PTPRM: variants seen among roughly 807,000 people sequenced by gnomAD.
PTPRM encodes protein tyrosine phosphatase receptor type M, also known as receptor-type tyrosine-protein phosphatase mu.
PTPRM carries 47 observed loss-of-function variants against 186.7 expected under a neutral mutation model. The ratio of observed to expected loss-of-function variants is 0.25; its 90% CI spans 0.20 to 0.32. The LOEUF is 0.32. PTPRM is among the 10% of genes least tolerant of loss of function. The pLI is 1.00. For missense variants in PTPRM, 1,494 were observed against 1,865.0 expected (o/e 0.80, Z 3.66); for synonymous variants, 668 against 674.9 (o/e 0.99, Z 0.16).
At chr18:8,066,124 A>G (rs1042810647) in intron 7 of PTPRM, among the ~76,000 whole-genome samples, 9 of 152,208 alleles carry the variant, frequency 5.9e-5, no homozygotes, top group African/African-American at 2.2e-4. Flanking sequence ...TCAGAATTTA[A>G]TTTTGCAAAA....
intron 1 of PTPRM, among the ~76,000 whole-genome samples, chr18:7,592,285 C>T (rs979496916): frequency 1.3e-4 from 20 of 152,014 alleles, no homozygotes; most frequent in Non-Finnish European, 2.2e-4. Context: ...TTTCTACAGG[C>T]GACATGGGAG....
intron 11 of PTPRM, among the ~76,000 whole-genome samples, chr18:8,111,730 T>C (rs920624499): frequency 1.3e-5 from 2 of 152,216 alleles, no homozygotes; most frequent in Admixed American, 1.3e-4. Context: ...TCTAGATATA[T>C]GAACTCCATG....
intron 8 of PTPRM, among the ~76,000 whole-genome samples, chr18:8,074,127 TAA>T (rs1201702548): frequency 6.6e-6 from 1 of 152,164 alleles, no homozygotes; most frequent in African/African-American, 2.4e-5. Context: ...AAGTAGCCTC[TAA>T]TCTCAAAAAA....
chr18:7,883,071 C>T (rs1376546688), intron 2 of PTPRM, among the ~76,000 whole-genome samples: 2 of 152,332 alleles, frequency 1.3e-5, no homozygotes, highest in Non-Finnish European at 2.9e-5. Flanking sequence ...CTTTTTGAAG[C>T]TGACTCCATC....
At chr18:8,026,868 A>G (rs2085604199) in intron 7 of PTPRM, among the ~76,000 whole-genome samples, 1 of 152,306 alleles carries the variant, frequency 6.6e-6, no homozygotes, top group Admixed American at 6.5e-5. Flanking sequence ...AAAAAAAAAA[A>G]ATGCTTAAAA....
intron 32 of PTPRM, among the ~76,000 whole-genome samples, chr18:8,399,479 G>T (rs750349793): frequency 6.6e-6 from 1 of 152,132 alleles, no homozygotes; most frequent in Non-Finnish European, 1.5e-5. Context: ...TATGGTATGT[G>T]AATTATATCT....
At chr18:7,622,422 G>C (rs2037962661) in intron 1 of PTPRM, among the ~76,000 whole-genome samples, 1 of 151,932 alleles carries the variant, frequency 6.6e-6, no homozygotes, top group South Asian at 2.1e-4. Flanking sequence ...GGGCTCCCAG[G>C]GGTCTATACT....
At chr18:7,629,949 T>G (rs985231478) in intron 1 of PTPRM, among the ~76,000 whole-genome samples, 1 of 152,060 alleles carries the variant, frequency 6.6e-6, no homozygotes, top group Non-Finnish European at 1.5e-5. Flanking sequence ...GGAGGTTTTT[T>G]TGGGAGCTAA....
In PTPRM at chr18:8,023,862, A is replaced by ACG. The variant is rs1257188289; in HGVS notation, c.1133-45823_1133-45822insGC. On this transcript the variant is annotated intron_variant, in intron 7 of 32. Transcript: ENST00000580170. ...CACACACACACACACACACACACACACACACACACGCACACCCCTCCTATG... is the reference window on the plus strand; with the variant it reads ...CACACACACACACACACACACACACACGCACACACACGCACACCCCTCCTATG... 5.0e-3 allele frequency among the ~76,000 whole-genome samples: 714 copies of ACG among 142,900 alleles called. 7 individuals are homozygous for ACG. The highest frequency in any genetic ancestry group is 0.018 in the African/African-American group (687 of 38,718). 93.7% of individuals were successfully genotyped at this position (142,900 alleles called of 152,430 possible).
chr18:8,372,056 CT>C (rs557766971), intron 24 of PTPRM, among the ~76,000 whole-genome samples: 659 of 59,024 alleles, frequency 0.011, 20 homozygotes, highest in African/African-American at 0.031. Context: ...ACTCTATATT[CT>C]TTTTTTTTTT....
intron 1 of PTPRM, among the ~76,000 whole-genome samples, chr18:7,616,930 T>A (rs1257073971): frequency 6.6e-6 from 1 of 152,136 alleles, no homozygotes; most frequent in African/African-American, 2.4e-5. Context: ...TGTGAGTGGC[T>A]GGGCTGGGGT....
intron 1 of PTPRM, among the ~76,000 whole-genome samples, chr18:7,768,027 CT>C (rs2042094030): frequency 6.6e-6 from 1 of 152,108 alleles, no homozygotes; most frequent in Non-Finnish European, 1.5e-5. Context: ...TTTAAAAAGG[CT>C]TTATTGGGTG....
In PTPRM at chr18:7,568,723, CGT is replaced by C. The variant is rs1458906572; in HGVS notation, c.73+838_73+839del. Among the ~76,000 whole-genome samples, 4 of 152,076 alleles carry C rather than the reference CGT, an allele frequency of 2.6e-5. No individual in the cohort carries two copies. Among genetic ancestry groups the C allele is most frequent in the African/African-American group, 4.8e-5 (2 of 41,430 alleles). On this transcript the variant is annotated intron_variant, in intron 1 of 32. Transcript: ENST00000580170. This position sits in a 1 kb window ranked among gnomAD's most constrained non-coding sequence, Gnocchi z 5.1. ...GCGAGCAAGCGTGTGAGTGTGTGCGCGTGTGTGCCTGCACGCGCGCGCGGGGG... is the reference window on the plus strand; with the variant it reads ...GCGAGCAAGCGTGTGAGTGTGTGCGCGTGTGCCTGCACGCGCGCGCGGGGG...
intron 1 of PTPRM, among the ~76,000 whole-genome samples, chr18:7,577,541 T>G (rs1328520905): frequency 1.3e-5 from 2 of 152,230 alleles, no homozygotes; most frequent in African/African-American, 4.8e-5. Context: ...TCAGACAGCA[T>G]CATGATAACA....
intron 1 of PTPRM, among the ~76,000 whole-genome samples, chr18:7,621,418 C>T (rs1190889193): frequency 6.6e-6 from 1 of 152,066 alleles, no homozygotes; most frequent in Admixed American, 6.5e-5. Context: ...TTATCAACAG[C>T]TCCCACAGAG....
intron 14 of PTPRM, among the ~76,000 whole-genome samples, chr18:8,189,532 G>A (rs904317354): frequency 2.6e-5 from 4 of 152,280 alleles, no homozygotes; most frequent in Admixed American, 6.5e-5. Flanking sequence ...TCAGCCCAAA[G>A]CGAAATAAAG....
In PTPRM at chr18:8,244,086, A is replaced by G. The variant is rs765815875; in HGVS notation, c.2329A>G (p.Met777Val). The G allele has an allele frequency of 1.1e-5, 18 of 1,609,982 alleles. No homozygotes were observed. Among genetic ancestry groups the G allele is most frequent in the African/African-American group, 2.7e-5 (2 of 74,638 alleles). The stretch of plus-strand genomic sequence containing the variant: ...ACTGGCCAAGAAGCGGAAAGAGACC[A>G]TGAGCAGCACCCGACAGGAGATGAC... ...RKLAKKRKET[M>V]SSTRQEMTVM... The change falls in exon 15 of 33, where the codon ATG becomes GTG. Residue 777 changes from methionine to valine, a missense_variant. By Grantham distance (21) the Met-to-Val change is conservative. Around this residue, in one of 3 missense-constraint regions of PTPRM, gnomAD observed 1,107 missense variants for 1,350.2 expected, o/e 0.82. Transcript: ENST00000580170.
At chr18:7,800,819 T>G (rs903369765) in intron 2 of PTPRM, among the ~76,000 whole-genome samples, 4 of 152,148 alleles carry the variant, frequency 2.6e-5, no homozygotes, top group Non-Finnish European at 5.9e-5. Context: ...TGCTCCTGGG[T>G]TACAAACCTG....
chr18:7,732,944 A>G (rs1473134020), intron 1 of PTPRM, among the ~76,000 whole-genome samples: 1 of 152,170 alleles, frequency 6.6e-6, no homozygotes, highest in Non-Finnish European at 1.5e-5. Context: ...TTGCACTACA[A>G]TATAGGCTAG....
Sources: allele counts gnomAD v4.1 joint callset (sites outside exome capture counted in the v4.1 genomes callset), GRCh38; gene constraint gnomAD v4.1.1; regional missense constraint gnomAD v4.1.1; non-coding constraint Gnocchi (gnomAD v3.1); transcripts MANE v1.5; gene names NCBI Gene and HGNC (gene_info 2026-07-23, HGNC 2026-07-21).